The following PPM1E variants were observed in gnomAD, a reference collection of about 807,000 sequenced individuals.
PPM1E encodes protein phosphatase 1E.
PPM1E carries 20 observed loss-of-function variants against 65.9 expected under a neutral mutation model. The observed-to-expected ratio is 0.30, with a 90% CI of 0.21 to 0.44. The LOEUF is 0.44. PPM1E is among the 20% of genes least tolerant of loss of function. The probability of loss-of-function intolerance (pLI) is 1.00; values close to 1 mark genes in which losing one functional copy is unlikely to be tolerated. For missense variants in PPM1E, 713 were observed against 953.1 expected (o/e 0.75, Z 3.32); for synonymous variants, 352 against 374.9 (o/e 0.94, Z 0.70).
At chr17:58,965,944 C>A (rs1443259005) in intron 3 of PPM1E, 51 bp downstream of exon 3, 1 of 1,523,048 alleles carries the variant, frequency 6.6e-7, no homozygotes, top group African/African-American at 1.4e-5. Flanking sequence ...AAAACAAACA[C>A]CTTCATGGTC....
intron 1 of PPM1E, among the ~76,000 whole-genome samples, chr17:58,908,285 T>G (rs1044458994): frequency 6.6e-6 from 1 of 152,008 alleles, no homozygotes; most frequent in Non-Finnish European, 1.5e-5. Flanking sequence ...TTCATCATGT[T>G]GGCCAGATTG....
chr17:58,976,421 A>G (rs917928566), intron 6 of PPM1E, among the ~76,000 whole-genome samples: 5 of 152,186 alleles, frequency 3.3e-5, no homozygotes, highest in Non-Finnish European at 7.3e-5. Context: ...AGAATTTGAG[A>G]AAGAATTGGA....
chr17:58,911,644 G>A (rs946066244), intron 1 of PPM1E, among the ~76,000 whole-genome samples: 5 of 152,128 alleles, frequency 3.3e-5, no homozygotes, highest in Non-Finnish European at 7.4e-5. Context: ...TAACCCTGAA[G>A]CGTTTTTCTT....
intron 2 of PPM1E, among the ~76,000 whole-genome samples, chr17:58,958,975 A>G (rs1037908808): frequency 1.3e-5 from 2 of 152,040 alleles, no homozygotes; most frequent in Admixed American, 1.3e-4. Flanking sequence ...CCCAAGACTA[A>G]AAAAGGAAAT....
rs932543385 is a variant in PPM1E at position 58,878,791 on chromosome 17, G to A, written c.465-76858G>A. On this transcript the variant is annotated intron_variant, in intron 1 of 6. Coordinates refer to ENST00000308249, the MANE Select transcript of PPM1E (RefSeq NM_014906.5). ...CTACTAAAAATACAAGATTAGCTGG[G>A]CGTGGTGGTGCATTGCCTGTAGTCC... Among the ~76,000 whole-genome samples, 21 of 151,354 alleles carry A rather than the reference G, an allele frequency of 1.4e-4. No individual in the cohort carries two copies. In the East Asian group the frequency reaches 4.2e-3, roughly 30 times the overall value.
chr17:58,781,561 A>G (rs2050049895), intron 1 of PPM1E, among the ~76,000 whole-genome samples: 1 of 152,132 alleles, frequency 6.6e-6, no homozygotes, highest in Non-Finnish European at 1.5e-5. Context: ...GGGAAAAAAT[A>G]TATTTGTATG....
At chr17:58,941,586 G>A (rs1004020472) in intron 1 of PPM1E, among the ~76,000 whole-genome samples, 21 of 151,228 alleles carry the variant, frequency 1.4e-4, no homozygotes, top group African/African-American at 4.9e-5. Flanking sequence ...CCAGCTACTC[G>A]GGAGGCTGAG....
At chr17:58,862,217 C>A (rs1330990075) in intron 1 of PPM1E, among the ~76,000 whole-genome samples, 1 of 152,160 alleles carries the variant, frequency 6.6e-6, no homozygotes, top group South Asian at 2.1e-4. Flanking sequence ...CTAAGCAAAA[C>A]CAGTGGAAGG....
Position 58,940,925 on chromosome 17 carries a change from G to A in PPM1E, c.465-14724G>A, listed in dbSNP as rs368992753. ...AGGGTTTTGCCACATTGGCCAGGCT[G>A]GTCTCAAACTCCTGACCTCAGGTGA... is the stretch of plus-strand genomic sequence containing the variant. On this transcript the variant is annotated intron_variant, in intron 1 of 6. Transcript: ENST00000308249. Among the ~76,000 whole-genome samples, 16 of 152,144 alleles carry A rather than the reference G, an allele frequency of 1.1e-4. No homozygotes were observed. The East Asian group carries it at 2.7e-3, about 26-fold the overall frequency.
intron 1 of PPM1E, among the ~76,000 whole-genome samples, chr17:58,845,958 C>T (rs918840186): frequency 7.2e-5 from 11 of 152,152 alleles, no homozygotes; most frequent in East Asian, 5.8e-4. Flanking sequence ...TGGTATTATA[C>T]GCATGAGCCA....
intron 1 of PPM1E, among the ~76,000 whole-genome samples, chr17:58,784,261 G>T (rs1186412778): frequency 6.6e-6 from 1 of 151,942 alleles, no homozygotes; most frequent in South Asian, 2.1e-4. Context: ...GACCTCAAGT[G>T]TTCTGCCTAC....
intron 1 of PPM1E, among the ~76,000 whole-genome samples, chr17:58,780,006 T>A (rs1485021465): frequency 6.6e-6 from 1 of 152,256 alleles, no homozygotes; most frequent in East Asian, 1.9e-4. Flanking sequence ...AAGATTGTGA[T>A]GCTTCCAATT....
intron 1 of PPM1E, among the ~76,000 whole-genome samples, chr17:58,881,998 A>G (rs2051200677): frequency 3.4e-5 from 1 of 29,208 alleles, no homozygotes; most frequent in African/African-American, 1.4e-4. Context: ...TGTCTCTACA[A>G]AAAAAAAAAA....
chr17:58,965,134 T>C (rs1210885729), intron 2 of PPM1E, among the ~76,000 whole-genome samples: 1 of 150,222 alleles, frequency 6.7e-6, no homozygotes, highest in Non-Finnish European at 1.5e-5. Flanking sequence ...AAAAAGGGAA[T>C]TGGATGTAAA....
chr17:58,786,953 C>T (rs780942134), intron 1 of PPM1E, among the ~76,000 whole-genome samples: 2 of 152,090 alleles, frequency 1.3e-5, no homozygotes, highest in Non-Finnish European at 2.9e-5. Context: ...TTCTTCTAAA[C>T]ATATATTGAA....
intron 2 of PPM1E, among the ~76,000 whole-genome samples, chr17:58,963,302 G>A (rs761339127): frequency 2.0e-5 from 3 of 151,070 alleles, no homozygotes; most frequent in Non-Finnish European, 2.9e-5. Flanking sequence ...TAGGAGAATC[G>A]CTTGAACCAG....
intron 1 of PPM1E, among the ~76,000 whole-genome samples, chr17:58,829,910 G>A (rs1440170927): frequency 6.6e-6 from 1 of 152,160 alleles, no homozygotes; most frequent in African/African-American, 2.4e-5. Flanking sequence ...GCCAAGCGTG[G>A]TGGGTCATGC....
intron 1 of PPM1E, among the ~76,000 whole-genome samples, chr17:58,875,348 G>A (rs1036213424): frequency 6.6e-6 from 1 of 152,188 alleles, no homozygotes; most frequent in Non-Finnish European, 1.5e-5. Context: ...TGAGAAATGT[G>A]TAAAAAATGA....
chr17:58,911,453 G>A (rs1004523117), intron 1 of PPM1E, among the ~76,000 whole-genome samples: 1 of 152,110 alleles, frequency 6.6e-6, no homozygotes, highest in Non-Finnish European at 1.5e-5. Context: ...ATTGGAGTAG[G>A]CCTTAGGACC....
Sources: gnomAD v4.1 joint callset for allele counts (sites outside exome capture counted in the v4.1 genomes callset) on GRCh38, gnomAD v4.1.1 for gene constraint, MANE v1.5 for transcripts, NCBI Gene and HGNC (gene_info 2026-07-23, HGNC 2026-07-21) for gene names.